The following MPPED2 variants were observed in gnomAD, a reference collection of about 807,000 sequenced individuals.
The protein encoded by MPPED2 is metallophosphoesterase MPPED2.
MPPED2 carries 5 observed loss-of-function variants against 33.0 expected under a neutral mutation model. The ratio of observed to expected loss-of-function variants is 0.15; its 90% confidence interval spans 0.08 to 0.32. The LOEUF is 0.32. Ranked by LOEUF, MPPED2 falls within the 10% of genes least tolerant of loss-of-function variation. The pLI, the probability that MPPED2 is intolerant of heterozygous loss-of-function variation, is 1.00. For synonymous variants in MPPED2, 136 were observed against 141.9 expected (o/e 0.96, Z 0.29); for missense variants, 275 against 372.1 (o/e 0.74, Z 2.15).
intron 6 of MPPED2, among the ~76,000 whole-genome samples, chr11:30,403,396 A>G (rs1458619369): frequency 6.6e-6 from 1 of 152,244 alleles, no homozygotes; most frequent in Non-Finnish European, 1.5e-5. Context: ...ACACACATAC[A>G]TTCACCGAAA....
chr11:30,543,922 C>T (rs1955271891), intron 2 of MPPED2, among the ~76,000 whole-genome samples: 1 of 149,936 alleles, frequency 6.7e-6, no homozygotes, highest in Admixed American at 6.7e-5. Context: ...AAGATATTCA[C>T]ATTTGTACCA....
intron 3 of MPPED2, among the ~76,000 whole-genome samples, chr11:30,503,419 C>G: frequency 6.6e-6 from 1 of 152,188 alleles, no homozygotes; most frequent in East Asian, 1.9e-4. Context: ...GCCTCATACT[C>G]TTCATTCCCC....
At chr11:30,401,543 A>T (rs1007881224) in intron 6 of MPPED2, among the ~76,000 whole-genome samples, 3 of 152,236 alleles carry the variant, frequency 2.0e-5, no homozygotes, top group Non-Finnish European at 2.9e-5. Flanking sequence ...GAATAGGGCT[A>T]AAACCGAATA....
At chr11:30,451,084 C>T (rs1219648569) in intron 4 of MPPED2, among the ~76,000 whole-genome samples, 3 of 152,182 alleles carry the variant, frequency 2.0e-5, no homozygotes, top group Admixed American at 1.3e-4. Context: ...TTCATGCTAG[C>T]GTCACCCCTA....
chr11:30,407,403 A>G (rs1176644881), downstream of MPPED2, among the ~76,000 whole-genome samples: 2 of 152,228 alleles, frequency 1.3e-5, no homozygotes, highest in Non-Finnish European at 2.9e-5. Flanking sequence ...GTGATTTTGC[A>G]AAGAATGATA....
intron 3 of MPPED2, among the ~76,000 whole-genome samples, chr11:30,501,960 A>G (rs1195495146): frequency 6.6e-6 from 1 of 152,150 alleles, no homozygotes; most frequent in Non-Finnish European, 1.5e-5. Context: ...CCAGGGATGG[A>G]GAAGGGCAGA....
chr11:30,461,178 C>T (rs756735566), intron 4 of MPPED2, among the ~76,000 whole-genome samples: 19 of 152,056 alleles, frequency 1.2e-4, no homozygotes, highest in Admixed American at 3.3e-4. Flanking sequence ...TTCGTATAGA[C>T]GGAAGGTAGA....
chr11:30,411,074 T>C lies in MPPED2; in HGVS notation c.*394A>G. The C allele has an allele frequency of 4.1e-6, 4 of 987,484 alleles. No homozygotes were observed. The highest frequency in any genetic ancestry group is 4.8e-6 in the Non-Finnish European group (4 of 831,034). 61.2% of individuals were successfully genotyped at this position (987,484 alleles called of 1,614,324 possible). On this transcript the variant is annotated 3_prime_UTR_variant, in exon 7 of 7. Transcript: ENST00000358117. ...AAAATTAAAATATTTCAAACAATAC[T>C]CTTAAACAGTTGTGCAAATCTGTGT...
At chr11:30,558,307 C>T (rs1379871220) in intron 2 of MPPED2, among the ~76,000 whole-genome samples, 1 of 152,146 alleles carries the variant, frequency 6.6e-6, no homozygotes, top group African/African-American at 2.4e-5. Flanking sequence ...TTTCTCTTTC[C>T]TCAAAAGCTA....
At chr11:30,525,473 G>A (rs1954115161) in intron 3 of MPPED2, among the ~76,000 whole-genome samples, 1 of 152,074 alleles carries the variant, frequency 6.6e-6, no homozygotes, top group Non-Finnish European at 1.5e-5. Context: ...ACCCTTTTCA[G>A]GAAAGTGCTT....
intron 5 of MPPED2, among the ~76,000 whole-genome samples, chr11:30,417,285 A>AT (rs1036707300): frequency 1.3e-5 from 2 of 152,072 alleles, no homozygotes; most frequent in African/African-American, 2.4e-5. Flanking sequence ...TACTCATTTG[A>AT]TTTTTCCCTG....
At chr11:30,440,929 T>G (rs2133896227) in intron 4 of MPPED2, among the ~76,000 whole-genome samples, 1 of 152,334 alleles carries the variant, frequency 6.6e-6, no homozygotes, top group East Asian at 1.9e-4. Flanking sequence ...AAACGGGTGC[T>G]TTGCTCAAAC....
chr11:30,549,597 T>C (rs1323597743), intron 2 of MPPED2, among the ~76,000 whole-genome samples: 1 of 152,164 alleles, frequency 6.6e-6, no homozygotes, highest in Non-Finnish European at 1.5e-5. Flanking sequence ...CAATGATGGA[T>C]AAGATGGAAA....
At chr11:30,499,321 A>G (rs1374435460) in intron 3 of MPPED2, among the ~76,000 whole-genome samples, 1 of 152,034 alleles carries the variant, frequency 6.6e-6, no homozygotes, top group Non-Finnish European at 1.5e-5. Context: ...AGGATTTTGG[A>G]TTTTTTCAGA....
chr11:30,538,865 T>C (rs2134508939), intron 2 of MPPED2, among the ~76,000 whole-genome samples: 2 of 152,266 alleles, frequency 1.3e-5, no homozygotes, highest in Admixed American at 1.3e-4. Context: ...ATAGATATCC[T>C]GACCCAGAGG....
At chr11:30,497,309 T>C (rs2134219247) in intron 3 of MPPED2, among the ~76,000 whole-genome samples, 1 of 152,262 alleles carries the variant, frequency 6.6e-6, no homozygotes, top group South Asian at 2.1e-4. Context: ...ATGCTGGAAA[T>C]TTGTGAGAGA....
chr11:30,419,176 A>G (rs955224628), intron 4 of MPPED2, among the ~76,000 whole-genome samples: 1 of 152,134 alleles, frequency 6.6e-6, no homozygotes, highest in African/African-American at 2.4e-5. Flanking sequence ...ATTTGTATTA[A>G]CTCATTTAAG....
Position 30,490,537 on chromosome 11 carries a change from G to A in MPPED2, c.536+4759C>T, listed in dbSNP as rs565436148. ...AACTATTGCCTTCCCATTTGAGGGA[G>A]CCCCTTTCCTTCCAGACCTGGCATC... On this transcript the variant is annotated intron_variant, in intron 4 of 6. Transcript: ENST00000358117. 4.4e-4 allele frequency among the ~76,000 whole-genome samples: 67 copies of A among 152,158 alleles called. 1 individual carries two copies. In the South Asian group the frequency reaches 0.012, roughly 26 times the overall value.
chr11:30,465,196 G>A (rs1234649639), intron 4 of MPPED2, among the ~76,000 whole-genome samples: 11 of 152,214 alleles, frequency 7.2e-5, no homozygotes, highest in Admixed American at 3.9e-4. Context: ...TGGTGAGGCT[G>A]TAATATAAAA....
Sources: allele counts gnomAD v4.1 joint callset (sites outside exome capture counted in the v4.1 genomes callset), GRCh38; gene constraint gnomAD v4.1.1; transcripts MANE v1.5; gene names NCBI Gene and HGNC (gene_info 2026-07-23, HGNC 2026-07-21).